DSCAM: variants seen among roughly 807,000 people sequenced by gnomAD.
DSCAM encodes the protein DS cell adhesion molecule, also known as cell adhesion molecule DSCAM.
DSCAM carries 47 observed loss-of-function variants against 217.7 expected under a neutral mutation model. The ratio of observed to expected loss-of-function variants is 0.22; its 90% CI spans 0.17 to 0.28. The LOEUF (loss-of-function observed/expected upper bound fraction) is 0.28. DSCAM is among the 10% of genes least tolerant of loss of function. The probability of loss-of-function intolerance (pLI) is 1.00; values close to 1 mark genes in which losing one functional copy is unlikely to be tolerated. For synonymous variants in DSCAM, 1,056 were observed against 1,015.3 expected (o/e 1.04, Z -0.76); for missense variants, 2,080 against 2,618.3 (o/e 0.79, Z 4.49).
At chr21:40,198,226 G>A (rs966464605) in intron 11 of DSCAM, among the ~76,000 whole-genome samples, 32 of 152,208 alleles carry the variant, frequency 2.1e-4, no homozygotes, top group African/African-American at 7.7e-4. Context: ...CAGGAAAAAG[G>A]TGCCATTAAA....
intron 10 of DSCAM, among the ~76,000 whole-genome samples, chr21:40,294,186 G>A (rs1233212963): frequency 3.3e-5 from 5 of 152,184 alleles, no homozygotes; most frequent in African/African-American, 1.2e-4. Flanking sequence ...GGGATAAAAT[G>A]TCAGTAACAT....
At chr21:40,146,267 G>C (rs74556406) in intron 16 of DSCAM, among the ~76,000 whole-genome samples, 22 of 152,090 alleles carry the variant, frequency 1.4e-4, no homozygotes, top group South Asian at 4.2e-4. Flanking sequence ...TTGACGGAGG[G>C]GGGGAGGTGG....
chr21:40,308,104 C>T (rs746551009), intron 9 of DSCAM, among the ~76,000 whole-genome samples: 2 of 151,960 alleles, frequency 1.3e-5, no homozygotes, highest in Non-Finnish European at 2.9e-5. Flanking sequence ...AATAAAAAAA[C>T]ACAACAACAA....
In DSCAM at chr21:40,068,725, G is replaced by T. The variant is rs2089246367; in HGVS notation, c.4889-5826C>A. Reference sequence around the variant, plus strand: ...GGAGATTGATCTGAACTCTCTTCTAGCTCTGCCTGGACTCATATGTGATTC... The same window carrying T: ...GGAGATTGATCTGAACTCTCTTCTATCTCTGCCTGGACTCATATGTGATTC... On this transcript the variant is annotated intron_variant, in intron 27 of 32. Transcript: ENST00000400454. Among the ~76,000 whole-genome samples the T allele has an allele frequency of 4.6e-5, 7 of 152,134 alleles. No individual in the cohort carries two copies. The South Asian group carries it at 1.4e-3, about 32-fold the overall frequency.
intron 3 of DSCAM, among the ~76,000 whole-genome samples, chr21:40,649,053 G>A (rs2089983764): frequency 6.6e-6 from 1 of 152,204 alleles, no homozygotes; most frequent in Non-Finnish European, 1.5e-5. Flanking sequence ...CAAAGTGGCT[G>A]AGAAAAATTC....
At position 40,016,536 on chromosome 21, in the gene DSCAM, A is replaced by G. The variant is rs903918729; in HGVS notation, c.5687-3150T>C. On this transcript the variant is annotated intron_variant, in intron 32 of 32. Transcript: ENST00000400454. This position sits in a 1 kb window ranked among gnomAD's most constrained non-coding sequence, Gnocchi z 4.3. ...TTTTCTGAGTCTAAAGTAACTGAAC[A>G]TTCTTGTTTCTTTTGCTTCAAAATA... 2.2e-4 allele frequency among the ~76,000 whole-genome samples: 33 copies of G among 152,316 alleles called. No homozygotes were observed. Among genetic ancestry groups the G allele is most frequent in the Non-Finnish European group, 1.6e-4 (11 of 68,026 alleles).
intron 14 of DSCAM, among the ~76,000 whole-genome samples, chr21:40,179,519 G>C (rs548290971): frequency 3.3e-5 from 5 of 152,020 alleles, no homozygotes; most frequent in Admixed American, 2.0e-4. Context: ...GTACCCCTGG[G>C]CCCCCCCAAA....
At chr21:40,410,790 G>C (rs1323883380) in intron 3 of DSCAM, among the ~76,000 whole-genome samples, 1 of 150,256 alleles carries the variant, frequency 6.7e-6, no homozygotes. Flanking sequence ...AGTAAGTAAA[G>C]TTGAGTCTTG....
At chr21:40,251,510 GA>G (rs1372971738) in intron 11 of DSCAM, among the ~76,000 whole-genome samples, 5 of 152,130 alleles carry the variant, frequency 3.3e-5, no homozygotes, top group Non-Finnish European at 4.4e-5. Flanking sequence ...TTTAATTTGG[GA>G]TAGAAGGAAT....
At chr21:40,685,998 C>G (rs2090468712) in intron 3 of DSCAM, among the ~76,000 whole-genome samples, 1 of 152,100 alleles carries the variant, frequency 6.6e-6, no homozygotes, top group Non-Finnish European at 1.5e-5. Context: ...GGCCACCCAG[C>G]TAACCTGAGT....
chr21:40,803,255 C>T (rs1281428397), intron 1 of DSCAM, among the ~76,000 whole-genome samples: 3 of 152,168 alleles, frequency 2.0e-5, no homozygotes, highest in African/African-American at 7.2e-5. Flanking sequence ...CTGGCTTTTG[C>T]TTTACAAATG....
intron 11 of DSCAM, among the ~76,000 whole-genome samples, chr21:40,229,921 C>T (rs764229796): frequency 3.9e-5 from 6 of 152,320 alleles, no homozygotes; most frequent in African/African-American, 7.2e-5. Context: ...AAGAAACTGT[C>T]GAGCTGGCTC....
At chr21:40,230,788 GATT>G (rs1410261020) in intron 11 of DSCAM, among the ~76,000 whole-genome samples, 1 of 152,104 alleles carries the variant, frequency 6.6e-6, no homozygotes. Flanking sequence ...CTGGCAGTTT[GATT>G]TTTTTGTGGT....
At chr21:40,286,457 A>G (rs1267028256) in intron 10 of DSCAM, among the ~76,000 whole-genome samples, 1 of 152,226 alleles carries the variant, frequency 6.6e-6, no homozygotes, top group African/African-American at 2.4e-5. Flanking sequence ...CAAAGGGACC[A>G]GAACTTGGGG....
intron 10 of DSCAM, among the ~76,000 whole-genome samples, chr21:40,294,354 A>G (rs1170576192): frequency 2.6e-5 from 4 of 152,226 alleles, no homozygotes. Context: ...AACATTAACA[A>G]TCTAAGTATG....
At chr21:40,271,107 G>C (rs1297498905) in intron 11 of DSCAM, among the ~76,000 whole-genome samples, 1 of 152,250 alleles carries the variant, frequency 6.6e-6, no homozygotes, top group African/African-American at 2.4e-5. Context: ...AGAGCTGAGT[G>C]AGTTGGTGCA....
chr21:40,342,262 TATATA>T (rs1363840215), intron 6 of DSCAM, among the ~76,000 whole-genome samples: 1 of 152,264 alleles, frequency 6.6e-6, no homozygotes, highest in South Asian at 2.1e-4. Flanking sequence ...ATAGAGATTA[TATATA>T]ATATCTGTCA....
intron 11 of DSCAM, among the ~76,000 whole-genome samples, chr21:40,226,935 G>A (rs1601460759): frequency 6.6e-6 from 1 of 151,956 alleles, no homozygotes; most frequent in African/African-American, 2.4e-5. Flanking sequence ...AGTGTGTCTT[G>A]TTACTCTCTC....
chr21:40,698,751 TC>T (rs1373097399), intron 2 of DSCAM, among the ~76,000 whole-genome samples: 1 of 151,490 alleles, frequency 6.6e-6, no homozygotes, highest in Non-Finnish European at 1.5e-5. Flanking sequence ...ATGCCTGTAA[TC>T]CCAGCTACTA....
Sources: gnomAD v4.1 joint callset for allele counts (sites outside exome capture counted in the v4.1 genomes callset) on GRCh38, gnomAD v4.1.1 for gene constraint, Gnocchi (gnomAD v3.1) non-coding constraint, MANE v1.5 for transcripts, NCBI Gene and HGNC (gene_info 2026-07-23, HGNC 2026-07-21) for gene names.